The following WDR33 variants were observed in gnomAD, a reference collection of about 807,000 sequenced individuals.
The protein encoded by WDR33 is pre-mRNA 3' end processing protein WDR33.
In WDR33, 47 loss-of-function variants were observed where a neutral mutation model predicts 164.9. That is an observed-to-expected ratio of 0.29 (90% CI 0.23 to 0.36). The LOEUF is 0.36. Among genes scored for constraint, WDR33 ranks in the 10% least tolerant of loss-of-function variants. The pLI is 1.00. For synonymous variants in WDR33, 505 were observed against 589.0 expected (o/e 0.86, Z 2.06); for missense variants, 1,137 against 1,754.1 (o/e 0.65, Z 6.28).
intron 18 of WDR33, among the ~76,000 whole-genome samples, chr2:127,711,317 C>T (rs557486469): frequency 1.2e-4 from 18 of 150,208 alleles, no homozygotes; most frequent in African/African-American, 3.9e-4. Context: ...CCCAGCTACT[C>T]GGGAGGCTGA....
intron 7 of WDR33, among the ~76,000 whole-genome samples, chr2:127,760,565 G>C (rs1380871572): frequency 6.6e-6 from 1 of 152,182 alleles, no homozygotes; most frequent in Non-Finnish European, 1.5e-5. Context: ...TCACTAAGGG[G>C]AGGATGGGAA....
intron 18 of WDR33, among the ~76,000 whole-genome samples, chr2:127,711,919 C>T (rs1341451038): frequency 1.3e-5 from 2 of 150,646 alleles, no homozygotes; most frequent in East Asian, 2.0e-4. Flanking sequence ...ATTACAGGCA[C>T]GCACCACCAT....
chr2:127,728,786 A>C (rs1686630191), intron 7 of WDR33, among the ~76,000 whole-genome samples: 1 of 152,222 alleles, frequency 6.6e-6, no homozygotes, highest in African/African-American at 2.4e-5. Flanking sequence ...GAAATGCCTG[A>C]GAAAGCAGTT....
At chr2:127,768,760 C>T (rs1239213060) in intron 3 of WDR33, among the ~76,000 whole-genome samples, 173 bp downstream of exon 3, 1 of 152,098 alleles carries the variant, frequency 6.6e-6, no homozygotes, top group Non-Finnish European at 1.5e-5. Context: ...TAAATTGAGA[C>T]AAACACATAA....
At chr2:127,808,985 C>A (rs1033258267) in intron 1 of WDR33, among the ~76,000 whole-genome samples, 19 of 145,954 alleles carry the variant, frequency 1.3e-4, no homozygotes, top group Non-Finnish European at 2.5e-4. Context: ...AGCCAAAGAT[C>A]GCGCCACTGC....
chr2:127,724,124 A>G lies in WDR33; in HGVS notation c.1196+209T>C, dbSNP rs1209925261. Among the ~76,000 whole-genome samples the G allele has an allele frequency of 6.6e-6, 1 of 152,204 alleles. No individual in the cohort carries two copies. The highest frequency in any genetic ancestry group is 2.4e-5 in the African/African-American group (1 of 41,448). On this transcript the variant is annotated intron_variant, in intron 11 of 21. Transcript: ENST00000322313. This position sits in a 1 kb window ranked among gnomAD's most constrained non-coding sequence, Gnocchi z 4.8. ...GTGGAAAACTTCTGTTTTAAGTCAGAAGGCAAAACAAAATTTGAATAGCCA... is the reference window on the plus strand; with the variant it reads ...GTGGAAAACTTCTGTTTTAAGTCAGGAGGCAAAACAAAATTTGAATAGCCA...
At chr2:127,803,598 C>T (rs1689327743) in intron 1 of WDR33, among the ~76,000 whole-genome samples, 1 of 151,988 alleles carries the variant, frequency 6.6e-6, no homozygotes, top group Non-Finnish European at 1.5e-5. Context: ...CCAATGTAAG[C>T]TGATGATTTT....
chr2:127,777,154 A>T (rs1360695457), intron 1 of WDR33, among the ~76,000 whole-genome samples: 1 of 152,246 alleles, frequency 6.6e-6, no homozygotes, highest in Non-Finnish European at 1.5e-5. Context: ...ATTGCTAAGG[A>T]CAAGAATCTG....
rs550064022 is a variant in WDR33 at position 127,709,443 on chromosome 2, T to C, written c.3565+47A>G. 4.8e-4 allele frequency: 762 copies of C among 1,585,934 alleles called. 4 individuals carry two copies. The South Asian group carries it at 8.0e-3, about 17-fold the overall frequency. On this transcript the variant is annotated intron_variant, in intron 20 of 21. Transcript: ENST00000322313. The surrounding 1 kb of genome is among the most constrained non-coding windows in gnomAD (Gnocchi z 5.0). ...CAGAGAGGGCCCTCAGAACTCACTT[T>C]GTGAACTGCAGTCTAGAGTTACCCA...
rs1428770394 is a variant in WDR33 at position 127,719,845 on chromosome 2, C to A, written c.2180G>T (p.Gly727Val). 2 of 1,613,678 alleles carry A rather than the reference C, an allele frequency of 1.2e-6. No homozygotes were observed. The highest frequency in any genetic ancestry group is 1.7e-5 in the Admixed American group (1 of 60,022). The change falls in exon 16 of 22, where the codon GGT (glycine) becomes GTT (valine). Residue 727 changes from glycine (G) to valine (V), a missense_variant. Transcript: ENST00000322313. This position sits in a 1 kb window ranked among gnomAD's most constrained non-coding sequence, Gnocchi z 6.5. ...CGGAGGCCCCTGTGGGCCCAAGTGA[C>A]CCTGAGGGCCAGGCGGGCCTTGGGG... ...IGPQGPPGPQ[G>V]HLGPQGPPGT... is the part of the protein sequence containing the mutation.
chr2:127,739,304 C>G (rs1686948233), intron 7 of WDR33, among the ~76,000 whole-genome samples: 2 of 152,172 alleles, frequency 1.3e-5, no homozygotes, highest in Non-Finnish European at 2.9e-5. Context: ...AAGAGTAAAT[C>G]ATGAAAATTC....
chr2:127,736,979 A>G (rs1686863793), intron 7 of WDR33: 1 of 985,372 alleles, frequency 1.0e-6, no homozygotes, highest in Non-Finnish European at 1.2e-6. Context: ...GAAAAGGTAC[A>G]ATATTATTCC....
Position 127,701,569 on chromosome 2 carries a change from A to AG in WDR33, c.*4753dup. On this transcript the variant is annotated 3_prime_UTR_variant, in exon 22 of 22. Coordinates refer to ENST00000322313, the MANE Select transcript of WDR33 (RefSeq NM_018383.5). ...CGCCAGCTGCAGGAGTACCTGGCGC[A>AG]GGGGAAAGCTGGCGGCCCGGCGGCC... 7.4e-7 allele frequency: 1 copy of AG among 1,359,096 alleles called. No homozygotes were observed. 84.2% of individuals were successfully genotyped at this position (1,359,096 alleles called of 1,614,324 possible).
chr2:127,727,809 C>T (rs1204592343), intron 7 of WDR33, among the ~76,000 whole-genome samples: 1 of 152,108 alleles, frequency 6.6e-6, no homozygotes, highest in Non-Finnish European at 1.5e-5. Flanking sequence ...TCCTTCTCTA[C>T]CCTGGATCAA....
chr2:127,780,676 C>G (rs1339969049), intron 1 of WDR33, among the ~76,000 whole-genome samples: 1 of 152,088 alleles, frequency 6.6e-6, no homozygotes, highest in Non-Finnish European at 1.5e-5. Context: ...CCAGCCAACA[C>G]AGTGAGACCC....
rs751257026 is a variant in WDR33, at chr2:127,768,972, A to C, written c.234T>G (p.Asp78Glu). 1.1e-5 allele frequency: 18 copies of C among 1,586,876 alleles called. No homozygotes were observed. Among genetic ancestry groups the C allele is most frequent in the Non-Finnish European group, 1.5e-5 (17 of 1,167,862 alleles). The change falls in exon 3 of 22, where the codon GAT becomes GAG. Residue 78 changes from aspartate (D) to glutamate (E), a missense_variant. This residue lies in a region of WDR33 where 55 missense variants were observed against 84.6 expected (regional missense o/e 0.65). Coordinates refer to ENST00000322313, the MANE Select transcript of WDR33 (RefSeq NM_018383.5). The part of the protein sequence containing the change: ...ENRIWQRDQR[D>E]MRAIQPDAGY... ...CTGCATCAGGCTGAATTGCCCGCAT[A>C]TCTCTCTGGTCTCTTTGCCATATTC...
At chr2:127,707,937 C>T (rs1010674318) in intron 21 of WDR33, among the ~76,000 whole-genome samples, 1 of 151,944 alleles carries the variant, frequency 6.6e-6, no homozygotes, top group Non-Finnish European at 1.5e-5. Context: ...CCAGCCTGGG[C>T]GACAGAAAAA....
rs746876310 is a variant in WDR33 at position 127,708,859 on chromosome 2, C to G, written c.3599G>C (p.Arg1200Pro). 1 of 1,588,992 alleles carries G rather than the reference C, an allele frequency of 6.3e-7. No individual in the cohort carries two copies. The highest frequency in any genetic ancestry group is 1.1e-5 in the South Asian group (1 of 88,572). The change falls in exon 21 of 22, where the codon CGC (arginine) becomes CCC (proline). Residue 1200 changes from arginine (R) to proline (P), a missense_variant. By Grantham distance (103) the Arg-to-Pro change is moderately radical. Transcript: ENST00000322313. This position sits in a 1 kb window ranked among gnomAD's most constrained non-coding sequence, Gnocchi z 6.7. ...ACCGTCGTGAGGGGGATGATCAGGG[C>G]GGGGAGTATCACGAAAATGTTCATG... ...PGHEHFRDTP[R>P]PDHPPHDGHS...
intron 7 of WDR33, chr2:127,736,655 T>C: frequency 2.0e-6 from 2 of 985,446 alleles, no homozygotes; most frequent in Non-Finnish European, 2.4e-6. Context: ...TCAAATAGGT[T>C]AGAAATTGAA....
Sources: allele counts gnomAD v4.1 joint callset (sites outside exome capture counted in the v4.1 genomes callset), GRCh38; gene constraint gnomAD v4.1.1; regional missense constraint gnomAD v4.1.1; non-coding constraint Gnocchi (gnomAD v3.1); transcripts MANE v1.5; gene names NCBI Gene and HGNC (gene_info 2026-07-23, HGNC 2026-07-21).